Variants in IFT140 observed in about 807,000 individuals in gnomAD.
IFT140 encodes the protein intraflagellar transport 140.
In IFT140, 133 loss-of-function variants were observed where a neutral mutation model predicts 164.6. That is an observed-to-expected ratio of 0.81 (90% CI 0.70 to 0.93). The LOEUF is 0.93. IFT140 is among the 40% of genes least tolerant of loss of function. The probability of loss-of-function intolerance (pLI) is 0.00; values close to 1 mark genes in which losing one functional copy is unlikely to be tolerated. For synonymous variants in IFT140, 860 were observed against 817.3 expected (o/e 1.05, Z -0.89); for missense variants, 2,045 against 1,972.3 (o/e 1.04, Z -0.70).
At chr16:1,558,273 G>T in intron 18 of IFT140, 139 bp from the exon 19 acceptor site, 1 of 803,974 alleles carries the variant, frequency 1.2e-6, no homozygotes, top group Non-Finnish European at 2.0e-6. Context: ...AACAGGCCCA[G>T]TCCCTGCCAG....
chr16:1,558,758 T>G (rs1478423707), intron 18 of IFT140, among the ~76,000 whole-genome samples: 1 of 152,248 alleles, frequency 6.6e-6, no homozygotes, highest in Non-Finnish European at 1.5e-5. Flanking sequence ...GCCCCTCATC[T>G]GGATCCCGTT....
intron 26 of IFT140, among the ~76,000 whole-genome samples, chr16:1,521,872 A>C (rs1209027156): frequency 1.3e-5 from 2 of 148,218 alleles, no homozygotes; most frequent in African/African-American, 2.5e-5. Flanking sequence ...AAAAAAAAAC[A>C]GTAATAACCC....
chr16:1,546,391 T>G (rs1217013867), intron 19 of IFT140, among the ~76,000 whole-genome samples: 4 of 152,186 alleles, frequency 2.6e-5, no homozygotes, highest in Non-Finnish European at 4.4e-5. Context: ...TGGCCTGGGT[T>G]CTGCTCCTGG....
chr16:1,524,633 G>A lies in IFT140; in HGVS notation c.3060C>T (p.Tyr1020=), dbSNP rs545658252. The A allele has an allele frequency of 1.8e-5, 28 of 1,598,206 alleles. No homozygotes were observed. The highest frequency in any genetic ancestry group is 1.7e-4 in the Middle Eastern group (1 of 6,014). ...LAASYHLARQ[Y]ESQEEVGQAV... is the part of the protein sequence containing the mutation. ...CCTGCCCGACCTCCTCCTGGCTCTC[G>A]TACTGGCGGGCGAGGTGGTAGGAGG... The change falls in exon 24 of 31, where the codon TAC becomes TAT. Residue 1020 remains tyrosine, a synonymous_variant. Transcript: ENST00000426508.
At chr16:1,608,510 G>C (rs1054365733) in intron 2 of IFT140, among the ~76,000 whole-genome samples, 2 of 151,710 alleles carry the variant, frequency 1.3e-5, no homozygotes, top group African/African-American at 4.8e-5. Flanking sequence ...GCAGGCACCT[G>C]TAATTCCAGC....
At chr16:1,513,855 A>C (rs1385392377) in intron 30 of IFT140, among the ~76,000 whole-genome samples, 1 of 144,334 alleles carries the variant, frequency 6.9e-6, no homozygotes, top group South Asian at 2.3e-4. Flanking sequence ...TTGTATTTTT[A>C]GTAGAGACGG....
chr16:1,520,078 G>C, intron 28 of IFT140, 31 bp from the exon 29 acceptor site: 1 of 1,608,084 alleles, frequency 6.2e-7, no homozygotes, highest in Non-Finnish European at 8.5e-7. Context: ...AAGACCTGCC[G>C]GGCTCCACAG....
chr16:1,541,293 G>C (rs562041750), intron 19 of IFT140: 19 of 985,210 alleles, frequency 1.9e-5, no homozygotes, highest in Non-Finnish European at 2.2e-5. Context: ...GGGGGCAGGT[G>C]GGGGGCACTG....
chr16:1,523,367 C>G (rs1009308022), intron 26 of IFT140, 151 bp downstream of exon 26: 2 of 729,766 alleles, frequency 2.7e-6, no homozygotes, highest in South Asian at 3.7e-5. Flanking sequence ...CTGGGTGTGC[C>G]GTATGTGAAA....
Position 1,602,367 on chromosome 16 carries a change from C to T in IFT140, c.369+3G>A. ...AAACAGCGTCTTGCGCGTGTTGACT[C>T]ACCCTGTCCCCAGACAGCAGGCAGT... On this transcript the variant is annotated splice_donor_region_variant and intron_variant, in intron 4 of 30. Coordinates refer to ENST00000426508, the MANE Select transcript of IFT140 (RefSeq NM_014714.4). 3 of 1,613,648 alleles carry T rather than the reference C, an allele frequency of 1.9e-6. No individual in the cohort carries two copies. Among genetic ancestry groups the T allele is most frequent in the Non-Finnish European group, 2.5e-6 (3 of 1,179,582 alleles).
chr16:1,598,807 C>T (rs942899624), intron 4 of IFT140, among the ~76,000 whole-genome samples: 6 of 152,170 alleles, frequency 3.9e-5, no homozygotes, highest in Non-Finnish European at 4.4e-5. Flanking sequence ...CCCAAAGTGC[C>T]GAGATTGCAG....
intron 13 of IFT140, among the ~76,000 whole-genome samples, chr16:1,574,766 G>T (rs372135715): frequency 1.5e-3 from 217 of 144,210 alleles, no homozygotes; most frequent in African/African-American, 5.6e-3. Context: ...CTTTGCATGG[G>T]AGGCCCCTCC....
At chr16:1,578,651 G>A (rs988331344) in intron 13 of IFT140, among the ~76,000 whole-genome samples, 2 of 151,954 alleles carry the variant, frequency 1.3e-5, no homozygotes, top group Non-Finnish European at 2.9e-5. Context: ...GGAGGCAAAG[G>A]TGGGTGGATC....
chr16:1,587,884 G>C (rs1185511128), intron 8 of IFT140, 49 bp downstream of exon 8: 1 of 1,438,396 alleles, frequency 7.0e-7, no homozygotes, highest in South Asian at 1.2e-5. Flanking sequence ...AGAGGAGCCT[G>C]TTCCTCAGGG....
Position 1,531,112 on chromosome 16 carries a change from G to C in IFT140, c.2400-4316C>G, listed in dbSNP as rs747771755. On this transcript the variant is annotated intron_variant, in intron 19 of 30. Coordinates refer to ENST00000426508, the MANE Select transcript of IFT140 (RefSeq NM_014714.4). This position sits in a 1 kb window ranked among gnomAD's most constrained non-coding sequence, Gnocchi z 4.7. ...TCCGCGACGGCCGGCCAGGGCTCTC[G>C]GGACAGCCTCCACTCCGGTGTGGGG... The C allele has an allele frequency of 6.6e-6, 1 of 152,300 alleles. No homozygotes were observed. The highest frequency in any genetic ancestry group is 2.1e-4 in the South Asian group (1 of 4,836). 9.4% of individuals were successfully genotyped at this position (152,300 alleles called of 1,614,324 possible).
chr16:1,537,154 C>T (rs1028676794), intron 19 of IFT140, among the ~76,000 whole-genome samples: 2 of 152,196 alleles, frequency 1.3e-5, no homozygotes, highest in African/African-American at 2.4e-5. Flanking sequence ...AATTCCATCC[C>T]GAGAACCAGT....
chr16:1,597,492 TG>T (rs1281184915), intron 4 of IFT140, among the ~76,000 whole-genome samples: 2 of 152,160 alleles, frequency 1.3e-5, no homozygotes, highest in African/African-American at 4.8e-5. Flanking sequence ...TAACTTCAGC[TG>T]GTCTGGGCTG....
intron 19 of IFT140, chr16:1,542,202 C>G (rs1287260313): frequency 3.7e-6 from 4 of 1,087,936 alleles, no homozygotes; most frequent in African/African-American, 1.6e-5. Flanking sequence ...AACATGGCCA[C>G]AGGCCACTGA....
At chr16:1,544,843 T>C (rs1354854220) in intron 19 of IFT140, among the ~76,000 whole-genome samples, 4 of 151,414 alleles carry the variant, frequency 2.6e-5, no homozygotes, top group African/African-American at 4.9e-5. Context: ...AGAGACGGGG[T>C]TTCACCGTGT....
Sources: allele counts gnomAD v4.1 joint callset (sites outside exome capture counted in the v4.1 genomes callset), GRCh38; gene constraint gnomAD v4.1.1; non-coding constraint Gnocchi (gnomAD v3.1); transcripts MANE v1.5; gene names NCBI Gene and HGNC (gene_info 2026-07-23, HGNC 2026-07-21).